Variants in RNF24 observed in about 807,000 individuals in gnomAD.
RNF24 encodes the protein ring finger protein 24.
In RNF24, 14 loss-of-function variants were observed where a neutral mutation model predicts 20.0. The ratio of observed to expected loss-of-function variants is 0.70; its 90% confidence interval spans 0.46 to 1.10. RNF24 has a LOEUF of 1.10. RNF24 is among the 50% of genes least tolerant of loss of function. The probability of loss-of-function intolerance (pLI) is 0.00; values close to 1 mark genes in which losing one functional copy is unlikely to be tolerated. For missense variants in RNF24, 124 were observed against 177.6 expected (o/e 0.70, Z 1.71); for synonymous variants, 45 against 61.1 (o/e 0.74, Z 1.23).
At chr20:3,997,863 A>C (rs1981017456) in intron 1 of RNF24, among the ~76,000 whole-genome samples, 1 of 152,220 alleles carries the variant, frequency 6.6e-6, no homozygotes, top group South Asian at 2.1e-4. Context: ...TCGGCAATAC[A>C]TTTGCCAATT....
At chr20:3,936,020 T>C (rs2090887174) in intron 4 of RNF24, among the ~76,000 whole-genome samples, 2 of 152,358 alleles carry the variant, frequency 1.3e-5, no homozygotes, top group African/African-American at 2.4e-5. Flanking sequence ...GGACTGTTGA[T>C]GGCTTTGCTG....
At chr20:3,973,500 C>CAAAAAAAAAAAAAAAAAAAAAAAAA (rs56824542) in intron 1 of RNF24, among the ~76,000 whole-genome samples, 1 of 101,120 alleles carries the variant, frequency 9.9e-6, no homozygotes, top group Non-Finnish European at 1.9e-5. Context: ...GGAAGAATGA[C>CAAAAAAAAAAAAAAAAAAAAAAAAA]AAAAAAAAAA....
chr20:3,949,528 A>G (rs905774983), intron 2 of RNF24, among the ~76,000 whole-genome samples: 2 of 152,082 alleles, frequency 1.3e-5, no homozygotes, highest in African/African-American at 4.8e-5. Flanking sequence ...TGTACAAAAA[A>G]TACAATTAGC....
At chr20:3,971,870 G>T (rs1191659735) in intron 1 of RNF24, among the ~76,000 whole-genome samples, 1 of 152,032 alleles carries the variant, frequency 6.6e-6, no homozygotes, top group East Asian at 1.9e-4. Context: ...CTGGCAGAAT[G>T]AATTAAAAAA....
chr20:4,014,737 G>GCGCA (rs1393824424), intron 1 of RNF24, among the ~76,000 whole-genome samples: 1 of 106,350 alleles, frequency 9.4e-6, no homozygotes, highest in Non-Finnish European at 1.9e-5. Flanking sequence ...TCACTTGAAT[G>GCGCA]CGCACACACA....
chr20:3,936,159 G>T (rs942384099), intron 4 of RNF24, among the ~76,000 whole-genome samples: 1 of 152,226 alleles, frequency 6.6e-6, no homozygotes, highest in Non-Finnish European at 1.5e-5. Flanking sequence ...CCTTGCTGAG[G>T]TAGCTTTCAG....
At chr20:4,014,264 A>G (rs993080801) in intron 1 of RNF24, among the ~76,000 whole-genome samples, 47 of 152,156 alleles carry the variant, frequency 3.1e-4, no homozygotes, top group African/African-American at 1.1e-3. Context: ...CATTAAGGGG[A>G]AAAAAAAGCA....
At chr20:4,008,418 AT>A (rs1982105414) in intron 1 of RNF24, among the ~76,000 whole-genome samples, 1 of 41,168 alleles carries the variant, frequency 2.4e-5, no homozygotes, top group African/African-American at 8.5e-5. Flanking sequence ...TAATATATAT[AT>A]TATATATAAT....
intron 1 of RNF24, among the ~76,000 whole-genome samples, chr20:3,969,823 T>C (rs1001430893): frequency 5.5e-5 from 8 of 146,552 alleles, no homozygotes; most frequent in African/African-American, 1.8e-4. Flanking sequence ...CAGGCTGGAG[T>C]GCAGTGGTGT....
chr20:3,991,247 CTTTTTTTTTTT>C (rs10599625), intron 1 of RNF24, among the ~76,000 whole-genome samples: 1 of 82,778 alleles, frequency 1.2e-5, no homozygotes, highest in Non-Finnish European at 2.4e-5. Flanking sequence ...TTTTAAACAA[CTTTTTTTTTTT>C]TTTTTTTTTT....
chr20:3,952,445 T>G (rs1400784404), intron 2 of RNF24, among the ~76,000 whole-genome samples: 3 of 152,162 alleles, frequency 2.0e-5, no homozygotes, highest in African/African-American at 4.8e-5. Flanking sequence ...TAATTCTAAA[T>G]AGTTTCTCTG....
intron 1 of RNF24, among the ~76,000 whole-genome samples, chr20:3,968,460 A>C (rs965118332): frequency 6.6e-6 from 1 of 152,140 alleles, no homozygotes; most frequent in African/African-American, 2.4e-5. Flanking sequence ...AAAAATAAAA[A>C]TTAAAAAATT....
At position 3,934,942 on chromosome 20, in the gene RNF24, T is replaced by A; in HGVS notation, c.308+52A>T. The A allele has an allele frequency of 6.7e-7, 1 of 1,494,388 alleles. No individual in the cohort carries two copies. Among genetic ancestry groups the A allele is most frequent in the East Asian group, 2.3e-5 (1 of 44,304 alleles). The allele number at this position is 1,494,388 out of a possible 1,614,324, so 92.6% of individuals were successfully genotyped here. A position where few individuals can be genotyped will look rare whatever the true frequency, so the allele number is the denominator to read the frequency against. On this transcript the variant is annotated intron_variant, in intron 5 of 5. Transcript: ENST00000358395. This position sits in a 1 kb window ranked among gnomAD's most constrained non-coding sequence, Gnocchi z 4.0. The stretch of plus-strand genomic sequence containing the variant: ...TGCCCTAAAACCCAAAAGAAGTTGG[T>A]TGATGTGCCTCAAACTCGGGTCCCA...
At chr20:3,938,037 G>T (rs575352920) in intron 4 of RNF24, among the ~76,000 whole-genome samples, 1 of 152,174 alleles carries the variant, frequency 6.6e-6, no homozygotes, top group Non-Finnish European at 1.5e-5. Flanking sequence ...CTACCAAACC[G>T]ATTTCCAAAG....
At chr20:3,965,655 A>T (rs2091249803) in intron 1 of RNF24, among the ~76,000 whole-genome samples, 1 of 152,222 alleles carries the variant, frequency 6.6e-6, no homozygotes, top group Non-Finnish European at 1.5e-5. Context: ...TATACATAGC[A>T]CATACGCTGT....
chr20:3,936,976 A>G (rs1366410078), intron 4 of RNF24, among the ~76,000 whole-genome samples: 1 of 152,152 alleles, frequency 6.6e-6, no homozygotes, highest in Non-Finnish European at 1.5e-5. Context: ...AGCTGGGACT[A>G]CAGGTGCATG....
chr20:3,989,834 G>A (rs1047913532), intron 1 of RNF24, among the ~76,000 whole-genome samples: 1 of 152,182 alleles, frequency 6.6e-6, no homozygotes, highest in Non-Finnish European at 1.5e-5. Flanking sequence ...GAGAAGACAC[G>A]GAGTAGAGCT....
rs193206815 is a variant in RNF24, at chr20:3,999,614, C to T, written c.-8+15823G>A. On this transcript the variant is annotated intron_variant, in intron 1 of 5. Transcript: ENST00000358395. ...TACCAAAAATACAAAATTAGCTGGG[C>T]GTGGTGGCGCATGCCTGTAATCCCA... Among the ~76,000 whole-genome samples, 959 of 152,126 alleles carry T rather than the reference C, an allele frequency of 6.3e-3. 4 individuals are homozygous for T. The highest frequency in any genetic ancestry group is 9.3e-3 in the Non-Finnish European group (635 of 67,974).
chr20:3,938,719 T>TA (rs540875392), intron 4 of RNF24, among the ~76,000 whole-genome samples: 13 of 152,276 alleles, frequency 8.5e-5, no homozygotes, highest in Admixed American at 7.2e-4. Flanking sequence ...ACTTTCAAGA[T>TA]AATGTCCTTT....
Sources: gnomAD v4.1 joint callset for allele counts (sites outside exome capture counted in the v4.1 genomes callset) on GRCh38, gnomAD v4.1.1 for gene constraint, Gnocchi (gnomAD v3.1) non-coding constraint, MANE v1.5 for transcripts, NCBI Gene and HGNC (gene_info 2026-07-23, HGNC 2026-07-21) for gene names.